Variants in PABPC4L observed in about 807,000 individuals in gnomAD.
PABPC4L encodes the protein polyadenylate-binding protein 4-like.
For missense variants in PABPC4L, 452 were observed against 451.4 expected (o/e 1.00, Z -0.01); for synonymous variants, 169 against 164.1 (o/e 1.03, Z -0.23).
chr4:134,091,301 T>G, the PABPC4L span, among the ~76,000 whole-genome samples: 8 of 148,142 alleles, frequency 5.4e-5, no homozygotes, highest in East Asian at 1.6e-3. Flanking sequence ...TAATGGGCAG[T>G]TTTTTTTTTA....
At chr4:133,960,689 G>T in the PABPC4L span, among the ~76,000 whole-genome samples, 1 of 152,124 alleles carries the variant, frequency 6.6e-6, no homozygotes. Flanking sequence ...AACCCTGATT[G>T]CCCACTGCCT....
the PABPC4L span, among the ~76,000 whole-genome samples, chr4:133,968,192 A>G: frequency 1.3e-5 from 2 of 152,150 alleles, no homozygotes; most frequent in African/African-American, 4.8e-5. Context: ...GCTTTCTTTG[A>G]GGTTTAGGAT....
chr4:133,956,601 C>T, the PABPC4L span, among the ~76,000 whole-genome samples: 1 of 152,112 alleles, frequency 6.6e-6, no homozygotes, highest in African/African-American at 2.4e-5. Flanking sequence ...GGGGTGTCTA[C>T]TATGCACTGG....
the PABPC4L span, among the ~76,000 whole-genome samples, chr4:133,952,209 G>C: frequency 6.6e-6 from 1 of 152,158 alleles, no homozygotes; most frequent in East Asian, 1.9e-4. Context: ...AATAAGTCTG[G>C]GGCTTCCATG....
chr4:133,958,154 C>T, the PABPC4L span, among the ~76,000 whole-genome samples: 1 of 152,282 alleles, frequency 6.6e-6, no homozygotes, highest in East Asian at 1.9e-4. Flanking sequence ...AACTTTAATG[C>T]TCTGCTTCCC....
At chr4:134,118,049 C>A in the PABPC4L span, among the ~76,000 whole-genome samples, 1 of 151,794 alleles carries the variant, frequency 6.6e-6, no homozygotes. Context: ...CTGTGTTCCC[C>A]TACTGGGACT....
the PABPC4L span, among the ~76,000 whole-genome samples, chr4:134,089,615 A>C: frequency 6.6e-6 from 1 of 152,134 alleles, no homozygotes; most frequent in African/African-American, 2.4e-5. Context: ...ATGTATAGGA[A>C]AAAACATAAT....
the PABPC4L span, among the ~76,000 whole-genome samples, chr4:134,120,317 G>T: frequency 1.4e-5 from 2 of 143,584 alleles, no homozygotes; most frequent in Non-Finnish European, 1.5e-5. Flanking sequence ...TTTTTACCAT[G>T]GTTTTAATTT....
the PABPC4L span, among the ~76,000 whole-genome samples, chr4:134,095,227 TC>T: frequency 6.6e-6 from 1 of 151,922 alleles, no homozygotes; most frequent in Non-Finnish European, 1.5e-5. Flanking sequence ...ATGTCTTCCA[TC>T]TGATGGTATT....
chr4:134,015,446 C>T, the PABPC4L span, among the ~76,000 whole-genome samples: 33 of 152,164 alleles, frequency 2.2e-4, no homozygotes, highest in African/African-American at 7.7e-4. Context: ...TCCTTTGCAC[C>T]CTTCATCCCA....
At chr4:134,014,911 C>A in the PABPC4L span, among the ~76,000 whole-genome samples, 2 of 152,030 alleles carry the variant, frequency 1.3e-5, no homozygotes, top group African/African-American at 4.8e-5. Context: ...TTTTAGTTAT[C>A]CCCACCTGCC....
At chr4:134,126,131 G>GGAGA in the PABPC4L span, among the ~76,000 whole-genome samples, 1 of 151,770 alleles carries the variant, frequency 6.6e-6, no homozygotes, top group African/African-American at 2.4e-5. Flanking sequence ...GGAGAGTGTG[G>GGAGA]GAGAGAGAGA....
chr4:134,157,400 A>T, the PABPC4L span, among the ~76,000 whole-genome samples: 5 of 151,706 alleles, frequency 3.3e-5, no homozygotes, highest in African/African-American at 1.2e-4. Context: ...TATCTAAATT[A>T]TTGATGACAG....
chr4:134,163,197 A>G, the PABPC4L span, among the ~76,000 whole-genome samples: 3 of 152,150 alleles, frequency 2.0e-5, no homozygotes, highest in African/African-American at 7.2e-5. Context: ...ATAAAGAAAT[A>G]CAAAAGATCA....
the PABPC4L span, among the ~76,000 whole-genome samples, chr4:133,956,598 C>A: frequency 2.6e-5 from 4 of 152,194 alleles, no homozygotes; most frequent in African/African-American, 9.6e-5. Flanking sequence ...TGAGGGGTGT[C>A]TACTATGCAC....
At chr4:133,975,466 A>T in the PABPC4L span, among the ~76,000 whole-genome samples, 2 of 152,126 alleles carry the variant, frequency 1.3e-5, no homozygotes, top group Non-Finnish European at 2.9e-5. Flanking sequence ...GCATTTAAAA[A>T]GGGTGATTTT....
chr4:134,177,176 C>T, the PABPC4L span, among the ~76,000 whole-genome samples: 1 of 137,382 alleles, frequency 7.3e-6, no homozygotes, highest in Non-Finnish European at 1.5e-5. Flanking sequence ...TCCCTTTTTT[C>T]TTTTCTTTTC....
At chr4:134,045,912 A>G in the PABPC4L span, among the ~76,000 whole-genome samples, 3 of 152,224 alleles carry the variant, frequency 2.0e-5, no homozygotes, top group Admixed American at 1.3e-4. Flanking sequence ...TTAATGTAGT[A>G]TCCAAGTTAC....
At chr4:134,014,334 C>T in the PABPC4L span, among the ~76,000 whole-genome samples, 2 of 152,306 alleles carry the variant, frequency 1.3e-5, no homozygotes, top group African/African-American at 2.4e-5. Flanking sequence ...GCCTTCCTTG[C>T]TTCCACTGTG....
Sources: allele counts gnomAD v4.1 joint callset (sites outside exome capture counted in the v4.1 genomes callset), GRCh38; gene constraint gnomAD v4.1.1; transcripts MANE v1.5; gene names NCBI Gene and HGNC (gene_info 2026-07-23, HGNC 2026-07-21).